The following ACSL3 variants were observed in gnomAD, a reference collection of about 807,000 sequenced individuals.
ACSL3 encodes fatty acid CoA ligase Acsl3.
In ACSL3, 34 loss-of-function variants were observed where a neutral mutation model predicts 84.7. That is an observed-to-expected ratio of 0.40 (90% CI 0.31 to 0.53). ACSL3 has a LOEUF of 0.53. ACSL3 is among the 20% of genes least tolerant of loss of function. ACSL3 has a pLI of 0.48. For synonymous variants in ACSL3, 315 were observed against 299.4 expected (o/e 1.05, Z -0.54); for missense variants, 680 against 873.1 (o/e 0.78, Z 2.79).
In ACSL3 at chr2:222,942,369, G is replaced by A. The variant is rs533908786; in HGVS notation, c.*715G>A. On this transcript the variant is annotated 3_prime_UTR_variant, in exon 17 of 17. Coordinates refer to ENST00000357430, the MANE Select transcript of ACSL3 (RefSeq NM_004457.5). ...TAGTAAGGGAGATAACACAGCATGT[G>A]TAGCACCAGTTGATAATTGGTCTCT... is the stretch of plus-strand genomic sequence containing the variant. 2.6e-5 allele frequency: 5 copies of A among 191,182 alleles called. No homozygotes were observed. The highest frequency in any genetic ancestry group is 9.3e-5 in the African/African-American group (4 of 43,032). The allele number at this position is 191,182 out of a possible 1,614,324, so 11.8% of individuals were successfully genotyped here. A position where few individuals can be genotyped will look rare whatever the true frequency, so the allele number is the denominator to read the frequency against.
chr2:222,934,305 T>C (rs1473750735), intron 15 of ACSL3, among the ~76,000 whole-genome samples: 2 of 152,230 alleles, frequency 1.3e-5, no homozygotes, highest in African/African-American at 4.8e-5. Flanking sequence ...TCATGAAATG[T>C]CAGATTGAAG....
intron 1 of ACSL3, among the ~76,000 whole-genome samples, chr2:222,873,941 C>G (rs1406260438): frequency 6.6e-6 from 1 of 152,206 alleles, no homozygotes; most frequent in East Asian, 1.9e-4. Flanking sequence ...ACAATTGCTT[C>G]CCAGAGAGGT....
intron 1 of ACSL3, among the ~76,000 whole-genome samples, chr2:222,882,706 C>G (rs1330635017): frequency 6.6e-6 from 1 of 151,286 alleles, no homozygotes; most frequent in Non-Finnish European, 1.5e-5. Context: ...GAATTCCTGC[C>G]TTACAGGAAG....
rs763378119 is a variant in ACSL3 at position 222,930,685 on chromosome 2, G to C, written c.1605G>C (p.Val535=). Residue 535 remains valine (V), a synonymous_variant, in exon 14 of 17, where the codon GTG becomes GTC. Transcript: ENST00000357430. ...AAATTCTTATTGGGGGCCAAAGTGT[G>C]ACAATGGGGTACTACAAAAATGAAG... ...RGEILIGGQS[V]TMGYYKNEAK... The C allele has an allele frequency of 2.7e-5, 43 of 1,613,992 alleles. No homozygotes were observed. The highest frequency in any genetic ancestry group is 3.5e-5 in the Non-Finnish European group (41 of 1,179,984).
intron 4 of ACSL3, among the ~76,000 whole-genome samples, chr2:222,915,940 G>A (rs1696569754): frequency 6.6e-6 from 1 of 152,040 alleles, no homozygotes; most frequent in Non-Finnish European, 1.5e-5. Flanking sequence ...GCGGTACTTG[G>A]TACTAGGCTA....
In ACSL3 at chr2:222,908,911, T is replaced by G. The variant is rs745502494; in HGVS notation, c.139T>G (p.Ser47Ala). ...CATTCCGTTTTATTTTTTCTCCGAG[T>G]CAAGACAAGAAAAATCAAACCGAAT... The part of the protein sequence containing the change: ...TYIPFYFFSE[S>A]RQEKSNRIKA... The change falls in exon 4 of 17, where the codon TCA (serine) becomes GCA (alanine). Residue 47 changes from serine (S) to alanine (A), a missense_variant. Ser to Ala is a moderately conservative substitution (Grantham distance 99, BLOSUM62 1). Transcript: ENST00000357430. The G allele has an allele frequency of 4.3e-6, 7 of 1,612,390 alleles. No individual in the cohort carries two copies. Among genetic ancestry groups the G allele is most frequent in the Non-Finnish European group, 5.1e-6 (6 of 1,179,394 alleles).
chr2:222,941,465 TTTC>T, intron 16 of ACSL3, 29 bp from the exon 17 acceptor site: 1 of 1,533,426 alleles, frequency 6.5e-7, no homozygotes, highest in Non-Finnish European at 8.7e-7. Context: ...TTAAATACCT[TTTC>T]TTCTTTTCTT....
At chr2:222,874,846 T>C (rs1465331760) in intron 1 of ACSL3, among the ~76,000 whole-genome samples, 1 of 151,982 alleles carries the variant, frequency 6.6e-6, no homozygotes, top group East Asian at 1.9e-4. Context: ...ATTGGCTCAC[T>C]ACTGTAATCC....
At chr2:222,863,534 T>A (rs1029934244) in intron 1 of ACSL3, among the ~76,000 whole-genome samples, 2 of 152,200 alleles carry the variant, frequency 1.3e-5, no homozygotes, top group African/African-American at 4.8e-5. Context: ...TAATACTTTC[T>A]CCCACTCAAA....
chr2:222,941,353 T>G, intron 16 of ACSL3, 144 bp from the exon 17 acceptor site: 1 of 618,330 alleles, frequency 1.6e-6, no homozygotes, highest in Non-Finnish European at 2.7e-6. Flanking sequence ...GTTTGTATTT[T>G]GAGGAATAGA....
chr2:222,927,136 T>C lies in ACSL3; in HGVS notation c.1412T>C (p.Val471Ala), dbSNP rs746645300. ...RFMNICFCCP[V>A]GQGYGLTESA... is the part of the protein sequence containing the mutation. ...ATGAACATCTGTTTCTGCTGTCCTG[T>C]TGGTCAGGGATACGGGCTCACTGAA... Residue 471 changes from valine (V) to alanine (A), a missense_variant, in exon 12 of 17, where the codon GTT (valine) becomes GCT (alanine). Physicochemically the swap from Val to Ala is moderately conservative, Grantham distance 64. Coordinates refer to ENST00000357430, the MANE Select transcript of ACSL3 (RefSeq NM_004457.5). 1 of 1,614,152 alleles carries C rather than the reference T, an allele frequency of 6.2e-7. No homozygotes were observed. Among genetic ancestry groups the C allele is most frequent in the South Asian group, 1.1e-5 (1 of 91,082 alleles).
chr2:222,921,763 C>T (rs1037295616), intron 8 of ACSL3, among the ~76,000 whole-genome samples: 1 of 151,974 alleles, frequency 6.6e-6, no homozygotes, highest in Admixed American at 6.5e-5. Flanking sequence ...AATTTATCCA[C>T]TAAGTATTTG....
At chr2:222,922,979 A>C (rs1217553812) in intron 9 of ACSL3, 99 bp from the exon 10 acceptor site, 2 of 1,329,296 alleles carry the variant, frequency 1.5e-6, no homozygotes, top group African/African-American at 3.0e-5. Flanking sequence ...GACTGTAAGT[A>C]CATTAAAATA....
chr2:222,889,706 A>G (rs1162341317), intron 2 of ACSL3, among the ~76,000 whole-genome samples: 2 of 152,254 alleles, frequency 1.3e-5, no homozygotes, highest in East Asian at 3.8e-4. Flanking sequence ...CCTTGGTTTC[A>G]GAGGAAAATG....
chr2:222,869,880 G>A (rs62187230), intron 1 of ACSL3, among the ~76,000 whole-genome samples: 17,850 of 152,126 alleles, frequency 0.12, 1,111 homozygotes, highest in African/African-American at 0.14. Context: ...AAGACCTAGC[G>A]TAACCTCTTT....
intron 2 of ACSL3, among the ~76,000 whole-genome samples, chr2:222,890,009 A>T (rs1373907608): frequency 6.6e-6 from 1 of 152,262 alleles, no homozygotes; most frequent in African/African-American, 2.4e-5. Flanking sequence ...AAAGCAAGTA[A>T]TATTTGAATA....
chr2:222,901,435 C>A (rs1696146634), intron 3 of ACSL3, among the ~76,000 whole-genome samples: 1 of 152,190 alleles, frequency 6.6e-6, no homozygotes, highest in African/African-American at 2.4e-5. Flanking sequence ...GCCAGTACCA[C>A]ACCATCTTAA....
rs1412719539 is a variant in ACSL3 at position 222,919,083 on chromosome 2, C to T, written c.686C>T (p.Pro229Leu). ...TTCTAGGATATAGTTTCTTTGGTCC[C>T]ACGCCTGCGGCACATCATCACTGTT... ...TKLKDIVSLV[P>L]RLRHIITVDG... The change falls in exon 7 of 17, where the codon CCA becomes CTA. Residue 229 changes from proline to leucine, a missense_variant. Physicochemically the swap from Pro to Leu is moderately conservative, Grantham distance 98. This residue lies in a region of ACSL3 where 333 missense variants were observed against 347.5 expected (regional missense o/e 0.96). Coordinates refer to ENST00000357430, the MANE Select transcript of ACSL3 (RefSeq NM_004457.5). 2 of 1,613,916 alleles carry T rather than the reference C, an allele frequency of 1.2e-6. No individual in the cohort carries two copies. The highest frequency in any genetic ancestry group is 1.7e-6 in the Non-Finnish European group (2 of 1,179,926).
At chr2:222,883,705 T>TTTTG (rs1421276630) in intron 1 of ACSL3, among the ~76,000 whole-genome samples, 1 of 23,938 alleles carries the variant, frequency 4.2e-5, no homozygotes, top group Non-Finnish European at 6.5e-5. Context: ...TTTGTTCTTT[T>TTTTG]TTTCTATTTC....
Sources: allele counts gnomAD v4.1 joint callset (sites outside exome capture counted in the v4.1 genomes callset), GRCh38; gene constraint gnomAD v4.1.1; regional missense constraint gnomAD v4.1.1; transcripts MANE v1.5; gene names NCBI Gene and HGNC (gene_info 2026-07-23, HGNC 2026-07-21).